Variants in ALK observed in about 807,000 individuals in gnomAD.
The protein encoded by ALK is ALK tyrosine kinase receptor.
A neutral mutation model predicts 163.1 loss-of-function variants in ALK; 74 were observed. The ratio of observed to expected loss-of-function variants is 0.45; its 90% CI spans 0.38 to 0.55. The LOEUF (loss-of-function observed/expected upper bound fraction) is 0.55. ALK is among the 20% of genes least tolerant of loss of function. The pLI, the probability that ALK is intolerant of heterozygous loss-of-function variation, is 0.00. For missense variants in ALK, 2,063 were observed against 2,105.3 expected, an observed-to-expected ratio of 0.98 and a Z score of 0.39; for synonymous variants, 960 against 843.2, an observed-to-expected ratio of 1.14 and a Z score of -2.40.
intron 3 of ALK, among the ~76,000 whole-genome samples, chr2:29,577,824 G>T (rs1037204600): frequency 3.9e-5 from 6 of 152,312 alleles, no homozygotes; most frequent in African/African-American, 1.4e-4. Flanking sequence ...AACCTAAATG[G>T]ACACTATAAG....
At chr2:29,657,529 G>C (rs779583221) in intron 3 of ALK, among the ~76,000 whole-genome samples, 17 of 152,078 alleles carry the variant, frequency 1.1e-4, no homozygotes, top group Non-Finnish European at 2.4e-4. Flanking sequence ...GGGAATTGGG[G>C]GATATGGACA....
chr2:29,693,428 C>CACACAG (rs2148288344), intron 3 of ALK, among the ~76,000 whole-genome samples: 1 of 150,622 alleles, frequency 6.6e-6, no homozygotes, highest in East Asian at 1.9e-4. Flanking sequence ...CACACACACA[C>CACACAG]ACACACACAG....
intron 1 of ALK, among the ~76,000 whole-genome samples, chr2:29,776,249 A>AC (rs1450329978): frequency 8.3e-6 from 1 of 120,436 alleles, no homozygotes; most frequent in African/African-American, 2.9e-5. Flanking sequence ...AAAAAAAAAA[A>AC]AGAAGCTTCT....
intron 1 of ALK, among the ~76,000 whole-genome samples, chr2:29,746,558 A>T (rs1680212292): frequency 6.6e-6 from 1 of 152,240 alleles, no homozygotes; most frequent in African/African-American, 2.4e-5. Flanking sequence ...CTACCCAGGC[A>T]TAGGGTTTAA....
At chr2:29,610,567 G>T (rs1675664119) in intron 3 of ALK, among the ~76,000 whole-genome samples, 1 of 152,058 alleles carries the variant, frequency 6.6e-6, no homozygotes, top group South Asian at 2.1e-4. Flanking sequence ...TCGATTCCAA[G>T]CAGCGGCAGA....
chr2:29,216,628 GTGTGTAT>G (rs1426012180), intron 23 of ALK, among the ~76,000 whole-genome samples: 1 of 151,962 alleles, frequency 6.6e-6, no homozygotes, highest in Non-Finnish European at 1.5e-5. Context: ...TGTGGTGTGC[GTGTGTAT>G]TGTGTATATG....
rs1669450979 is a variant in ALK, at chr2:29,401,740, G to A, written c.1155-17881C>T. Among the ~76,000 whole-genome samples, 5 of 152,124 alleles carry A rather than the reference G, an allele frequency of 3.3e-5. No individual in the cohort carries two copies. In the South Asian group the frequency reaches 1.0e-3, roughly 32 times the overall value. On this transcript the variant is annotated intron_variant, in intron 4 of 28. Transcript: ENST00000389048. ...CCATAATAAGGAGGTGACATGGGTTGGGTATTCAAATTGGCCGTCTCATGG... is the reference window on the plus strand; with the variant it reads ...CCATAATAAGGAGGTGACATGGGTTAGGTATTCAAATTGGCCGTCTCATGG...
intron 4 of ALK, among the ~76,000 whole-genome samples, chr2:29,524,876 CGGATGGATGGAT>C (rs372355710): frequency 1.2e-4 from 17 of 147,076 alleles, no homozygotes; most frequent in African/African-American, 3.8e-4. Flanking sequence ...GATGGATGAA[CGGATGGATGGAT>C]GGGTAGATGG....
chr2:29,358,479 C>T (rs1668305928), intron 5 of ALK, among the ~76,000 whole-genome samples: 1 of 152,214 alleles, frequency 6.6e-6, no homozygotes, highest in Non-Finnish European at 1.5e-5. Context: ...GTCTAAGGCT[C>T]TCCATCTTGT....
chr2:29,275,025 A>G, intron 11 of ALK, 74 bp downstream of exon 11: 4 of 1,594,290 alleles, frequency 2.5e-6, no homozygotes, highest in Non-Finnish European at 2.6e-6. Context: ...CCCACCCTAA[A>G]GACAGCACCA....
At chr2:29,464,037 T>C (rs1671148260) in intron 4 of ALK, among the ~76,000 whole-genome samples, 1 of 152,176 alleles carries the variant, frequency 6.6e-6, no homozygotes, top group South Asian at 2.1e-4. Context: ...CAGCAATCTT[T>C]GAAACTATCA....
chr2:29,892,747 A>G (rs1193876454), intron 1 of ALK, among the ~76,000 whole-genome samples: 2 of 152,192 alleles, frequency 1.3e-5, no homozygotes, highest in African/African-American at 2.4e-5. Flanking sequence ...CTCTACGCAC[A>G]TTAATGCAAT....
At chr2:29,751,629 G>T (rs1226102446) in intron 1 of ALK, among the ~76,000 whole-genome samples, 1 of 152,118 alleles carries the variant, frequency 6.6e-6, no homozygotes, top group African/African-American at 2.4e-5. Context: ...TAGTTTCTGA[G>T]GCAGCCTAGG....
intron 4 of ALK, among the ~76,000 whole-genome samples, chr2:29,481,545 T>A (rs1485089180): frequency 6.6e-6 from 1 of 152,228 alleles, no homozygotes; most frequent in African/African-American, 2.4e-5. Context: ...AGACTCTACA[T>A]CTCTGTCTTC....
intron 3 of ALK, among the ~76,000 whole-genome samples, chr2:29,564,776 C>T (rs1674132097): frequency 6.6e-6 from 1 of 152,184 alleles, no homozygotes; most frequent in Non-Finnish European, 1.5e-5. Context: ...GGCTGAGCCA[C>T]TCTTGTCATC....
intron 1 of ALK, among the ~76,000 whole-genome samples, chr2:29,904,270 T>C (rs1193389428): frequency 6.6e-6 from 1 of 152,180 alleles, no homozygotes; most frequent in Admixed American, 6.5e-5. Context: ...GATTCGCTGG[T>C]TCAATATGGA....
At chr2:29,347,360 G>A (rs1315051236) in intron 5 of ALK, among the ~76,000 whole-genome samples, 1 of 152,176 alleles carries the variant, frequency 6.6e-6, no homozygotes, top group Admixed American at 6.5e-5. Context: ...TGATGGAGGA[G>A]GTGAACCAAC....
At chr2:29,286,348 T>C (rs1266130414) in intron 9 of ALK, 1 of 152,232 alleles carries the variant, frequency 6.6e-6, no homozygotes, top group Non-Finnish European at 1.5e-5. Flanking sequence ...CAGTCACTTC[T>C]TGATTCCCTG....
chr2:29,584,771 A>G (rs1558395926), intron 3 of ALK, among the ~76,000 whole-genome samples: 1 of 152,212 alleles, frequency 6.6e-6, no homozygotes. Flanking sequence ...GTATTTGAAA[A>G]GTCATTGTAA....
Sources: allele counts gnomAD v4.1 joint callset (sites outside exome capture counted in the v4.1 genomes callset), GRCh38; gene constraint gnomAD v4.1.1; transcripts MANE v1.5; gene names NCBI Gene and HGNC (gene_info 2026-07-23, HGNC 2026-07-21).